Variants in RPGRIP1 observed in about 807,000 individuals in gnomAD.
RPGRIP1 encodes the protein RPGR interacting protein 1, also known as X-linked retinitis pigmentosa GTPase regulator-interacting protein 1.
Under a neutral mutation model 157.9 loss-of-function variants are expected in RPGRIP1, and 128 were observed. The ratio of observed to expected loss-of-function variants is 0.81; its 90% CI spans 0.70 to 0.94. The LOEUF is 0.94. Ranked by LOEUF, RPGRIP1 falls within the 40% of genes least tolerant of loss-of-function variation. RPGRIP1 has a pLI of 0.00. For missense variants in RPGRIP1, 1,486 were observed against 1,545.8 expected, an observed-to-expected ratio of 0.96 and a Z score of 0.65; for synonymous variants, 554 against 571.6, an observed-to-expected ratio of 0.97 and a Z score of 0.44.
chr14:21,326,043 C>T lies in RPGRIP1; in HGVS notation c.2580C>T (p.Asp860=). ...QARFPVLVTS[D]LDHYLRREAL... is the part of the protein sequence containing the mutation. ...GATTCCCAGTGCTTGTGACCTCTGA[C>T]CTGGACCATTATCTGAGACGGGAGG... The change falls in exon 17 of 25, where the codon GAC becomes GAT. Residue 860 remains aspartate, a synonymous_variant. Transcript: ENST00000400017. 6.2e-7 allele frequency: 1 copy of T among 1,613,998 alleles called. No individual in the cohort carries two copies. The highest frequency in any genetic ancestry group is 8.5e-7 in the Non-Finnish European group (1 of 1,179,870).
At chr14:21,310,866 G>A (rs752474118) in intron 8 of RPGRIP1, 16 of 668,434 alleles carry the variant, frequency 2.4e-5, no homozygotes, top group Non-Finnish European at 3.9e-5. Flanking sequence ...GCCTATTGCT[G>A]GAGCAAATTA....
chr14:21,336,985 TATC>T (rs1408881458), intron 21 of RPGRIP1, among the ~76,000 whole-genome samples: 4 of 152,242 alleles, frequency 2.6e-5, no homozygotes, highest in African/African-American at 9.6e-5. Flanking sequence ...TTAGTGTTAT[TATC>T]AAGTTAAACG....
In RPGRIP1 at chr14:21,327,677, A is replaced by C. The variant is rs1346245632; in HGVS notation, c.2765A>C (p.Gln922Pro). The C allele has an allele frequency of 1.2e-6, 2 of 1,613,942 alleles. No individual in the cohort carries two copies. Among genetic ancestry groups the C allele is most frequent in the South Asian group, 2.2e-5 (2 of 91,080 alleles). The change falls in exon 18 of 25, where the codon CAA (glutamine) becomes CCA (proline). Residue 922 changes from glutamine (Q) to proline (P), a missense_variant. Physicochemically the swap from Gln to Pro is moderately conservative, Grantham distance 76. Coordinates refer to ENST00000400017, the MANE Select transcript of RPGRIP1 (RefSeq NM_020366.4). The stretch of plus-strand genomic sequence containing the variant: ...AAACCCAACGGATCTATTCAAGTGC[A>C]ACTGGATTGGAAGTTTCCCTACATA... ...AEKPNGSIQV[Q>P]LDWKFPYIPP...
intron 16 of RPGRIP1, 81 bp from the exon 17 acceptor site, chr14:21,325,750 T>C (rs1883010724): frequency 4.8e-6 from 5 of 1,037,580 alleles, no homozygotes; most frequent in Non-Finnish European, 7.1e-6. Context: ...ATCATAGCTC[T>C]TCCTCACCAC....
intron 4 of RPGRIP1, among the ~76,000 whole-genome samples, chr14:21,301,708 AATAATAAT>A (rs1881040201): frequency 8.2e-6 from 1 of 121,350 alleles, no homozygotes; most frequent in Non-Finnish European, 1.7e-5. Flanking sequence ...TAATAATAAT[AATAATAAT>A]AATAATAAAA....
At chr14:21,350,604 A>C (rs930660885) in intron 24 of RPGRIP1, among the ~76,000 whole-genome samples, 4 of 152,200 alleles carry the variant, frequency 2.6e-5, no homozygotes, top group Non-Finnish European at 5.9e-5. Flanking sequence ...TGTGATCCTT[A>C]GTCTTTTTCC....
chr14:21,345,387 G>GTTATTTATTTATTTATTTAT (rs139819474), intron 23 of RPGRIP1, among the ~76,000 whole-genome samples, 190 bp downstream of exon 23: 26 of 150,740 alleles, frequency 1.7e-4, no homozygotes, highest in Admixed American at 1.7e-3. Context: ...AATCTTATAG[G>GTTATTTATTTATTTATTTAT]TTATTTATTT....
At chr14:21,330,122 AAAT>A (rs1594229631) in intron 19 of RPGRIP1, 124 bp from the exon 20 acceptor site, 2 of 531,874 alleles carry the variant, frequency 3.8e-6, no homozygotes. Flanking sequence ...TGTCTCAAAA[AAAT>A]AATAATAATA....
At position 21,325,336 on chromosome 14, in the gene RPGRIP1, T is replaced by C; in HGVS notation, c.2320T>C (p.Tyr774His). 1 of 1,603,294 alleles carries C rather than the reference T, an allele frequency of 6.2e-7. No individual in the cohort carries two copies. The highest frequency in any genetic ancestry group is 8.5e-7 in the Non-Finnish European group (1 of 1,174,822). Residue 774 changes from tyrosine to histidine, a missense_variant, in exon 16 of 25, where the codon TAC becomes CAC. Physicochemically the swap from Tyr to His is moderately conservative, Grantham distance 83 (BLOSUM62 2). Coordinates refer to ENST00000400017, the MANE Select transcript of RPGRIP1 (RefSeq NM_020366.4). Reference protein sequence around the residue: ...ACNKRKKAQVYLSTDVLGGRK... With the variant: ...ACNKRKKAQVHLSTDVLGGRK... ...CAATAAACGAAAGAAAGCCCAGGTC[T>C]ACCTGTCAACCGATGTGCTTGGAGG...
intron 7 of RPGRIP1, 73 bp downstream of exon 7, chr14:21,307,909 C>T: frequency 2.5e-6 from 2 of 803,496 alleles, no homozygotes; most frequent in Non-Finnish European, 4.0e-6. Context: ...TTATTTTCTC[C>T]ATTTTAAATA....
intron 20 of RPGRIP1, among the ~76,000 whole-genome samples, chr14:21,334,014 C>T (rs1271989422): frequency 6.6e-6 from 1 of 151,352 alleles, no homozygotes; most frequent in African/African-American, 2.4e-5. Context: ...CCTCTGCCTC[C>T]CGGATTCAAG....
intron 1 of RPGRIP1, 26 bp from the exon 2 acceptor site, chr14:21,287,913 C>A: frequency 9.2e-7 from 1 of 1,090,246 alleles, no homozygotes; most frequent in Non-Finnish European, 1.4e-6. Flanking sequence ...TTGCATGTAA[C>A]TGACTGGACT....
rs371419221 is a variant in RPGRIP1, at chr14:21,328,477, G to C, written c.2949G>C (p.Lys983Asn). 2 of 1,613,828 alleles carry C rather than the reference G, an allele frequency of 1.2e-6. No homozygotes were observed. Among genetic ancestry groups the C allele is most frequent in the Non-Finnish European group, 1.7e-6 (2 of 1,179,846 alleles). ...TTGAAGCTGGCCAGTATCGATCTAA[G>C]AGAAAACCTCCTCATGGGGGAGAAA... Reference protein sequence around the residue: ...VPIEAGQYRSKRKPPHGGERK... With the variant: ...VPIEAGQYRSNRKPPHGGERK... The change falls in exon 19 of 25, where the codon AAG becomes AAC. Residue 983 changes from lysine (K) to asparagine (N), a missense_variant. Physicochemically the swap from Lys to Asn is moderately conservative, Grantham distance 94. Transcript: ENST00000400017.
chr14:21,333,617 A>G (rs528400521), intron 20 of RPGRIP1, among the ~76,000 whole-genome samples: 3 of 152,298 alleles, frequency 2.0e-5, no homozygotes, highest in East Asian at 1.9e-4. Flanking sequence ...TGATGGGTTC[A>G]TCTTGCAAGA....
intron 20 of RPGRIP1, among the ~76,000 whole-genome samples, chr14:21,331,189 G>A (rs971639553): frequency 4.6e-5 from 7 of 151,746 alleles, no homozygotes; most frequent in Non-Finnish European, 8.8e-5. Flanking sequence ...GATTACAGGC[G>A]TGAGCCACTG....
At chr14:21,292,116 T>C (rs1208555750) in intron 2 of RPGRIP1, among the ~76,000 whole-genome samples, 2 of 151,904 alleles carry the variant, frequency 1.3e-5, no homozygotes, top group Non-Finnish European at 2.9e-5. Context: ...GGTCTCAAAC[T>C]CCTGAACTCA....
intron 22 of RPGRIP1, among the ~76,000 whole-genome samples, chr14:21,343,465 A>G (rs185554659): frequency 3.7e-4 from 57 of 152,102 alleles, no homozygotes; most frequent in African/African-American, 1.3e-3. Context: ...CCCTTCCTCA[A>G]TCCACGGCTT....
At chr14:21,339,177 G>A (rs1057017243) in intron 21 of RPGRIP1, among the ~76,000 whole-genome samples, 3 of 151,792 alleles carry the variant, frequency 2.0e-5, no homozygotes, top group Non-Finnish European at 4.4e-5. Flanking sequence ...GGCAGGTGTG[G>A]TGGCTCACGC....
At chr14:21,336,395 C>T (rs1299169468) in intron 21 of RPGRIP1, among the ~76,000 whole-genome samples, 6 of 152,002 alleles carry the variant, frequency 3.9e-5, no homozygotes, top group South Asian at 2.1e-4. Flanking sequence ...ACTAGCTAGG[C>T]GTGTTGGCTC....
Sources: gnomAD v4.1 joint callset for allele counts (sites outside exome capture counted in the v4.1 genomes callset) on GRCh38, gnomAD v4.1.1 for gene constraint, MANE v1.5 for transcripts, NCBI Gene and HGNC (gene_info 2026-07-23, HGNC 2026-07-21) for gene names.